BBS9: variants seen among roughly 807,000 people sequenced by gnomAD.
The protein encoded by BBS9 is protein PTHB1.
In BBS9, 89 loss-of-function variants were observed where a neutral mutation model predicts 117.7. The ratio of observed to expected loss-of-function variants is 0.76; its 90% CI spans 0.64 to 0.90. The LOEUF (loss-of-function observed/expected upper bound fraction) is 0.90, where lower values mean the gene tolerates loss of function less well. BBS9 is among the 40% of genes least tolerant of loss of function. BBS9 has a pLI of 0.00. For missense variants in BBS9, 982 were observed against 1,042.2 expected, an observed-to-expected ratio of 0.94 and a Z score of 0.80; for synonymous variants, 379 against 370.9, an observed-to-expected ratio of 1.02 and a Z score of -0.25.
chr7:33,538,008 T>C (rs1342955529), intron 21 of BBS9, among the ~76,000 whole-genome samples: 1 of 152,122 alleles, frequency 6.6e-6, no homozygotes, highest in African/African-American at 2.4e-5. Flanking sequence ...AGATAGAAGC[T>C]TGGAGAGCAA....
rs1049897887 is a variant in BBS9, at chr7:33,184,427, G to A, written c.442+6836G>A. On this transcript the variant is annotated intron_variant, in intron 5 of 22. Coordinates refer to ENST00000242067, the MANE Select transcript of BBS9 (RefSeq NM_198428.3). ...AAAATAGTGGTTAACATCCCATAAT[G>A]CCAAATTCATTTTTAACCAAGAGAT... 4.6e-5 allele frequency among the ~76,000 whole-genome samples: 5 copies of A among 109,466 alleles called. No individual in the cohort carries two copies. In the South Asian group the frequency reaches 1.9e-3, roughly 42 times the overall value. 71.8% of individuals were successfully genotyped at this position (109,466 alleles called of 152,430 possible).
chr7:33,620,292 A>T (rs1189836733), intron 21 of BBS9, among the ~76,000 whole-genome samples: 5 of 152,024 alleles, frequency 3.3e-5, no homozygotes, highest in African/African-American at 1.2e-4. Flanking sequence ...GAAATATAAA[A>T]TCTGAATAGA....
At chr7:33,531,720 A>G (rs1388635527) in intron 20 of BBS9, among the ~76,000 whole-genome samples, 1 of 152,204 alleles carries the variant, frequency 6.6e-6, no homozygotes, top group Non-Finnish European at 1.5e-5. Flanking sequence ...GGAGGGTAGA[A>G]GAAGGGCCAA....
At chr7:33,592,529 G>A (rs1033503096) in intron 21 of BBS9, among the ~76,000 whole-genome samples, 5 of 152,008 alleles carry the variant, frequency 3.3e-5, no homozygotes, top group Non-Finnish European at 7.4e-5. Context: ...CTAGATAGTA[G>A]AGTTGCCTGG....
intron 20 of BBS9, among the ~76,000 whole-genome samples, chr7:33,521,356 A>G (rs973018685): frequency 2.0e-5 from 3 of 152,174 alleles, no homozygotes; most frequent in African/African-American, 7.2e-5. Flanking sequence ...GAGGTTTTAG[A>G]TTTTCATCCA....
In BBS9 at chr7:33,242,039, A is replaced by G. The variant is rs553761678; in HGVS notation, c.443-15197A>G. On this transcript the variant is annotated intron_variant, in intron 5 of 22. Transcript: ENST00000242067. ...ATGGGAATGATTGGTGTCTTTCTTC[A>G]AAGATTTGAGTAATCTTTTGTCAGA... Among the ~76,000 whole-genome samples the G allele has an allele frequency of 3.3e-3, 504 of 152,196 alleles. 2 individuals are homozygous for G. The highest frequency in any genetic ancestry group is 0.012 in the African/African-American group (482 of 41,546).
At chr7:33,151,554 A>AT (rs35683893) in intron 2 of BBS9, among the ~76,000 whole-genome samples, 30,988 of 149,692 alleles carry the variant, frequency 0.21, 3,449 homozygotes, top group South Asian at 0.33. Flanking sequence ...TATTATGAGG[A>AT]TTTTTTTTTT....
intron 21 of BBS9, among the ~76,000 whole-genome samples, chr7:33,541,452 T>G (rs1852285579): frequency 6.6e-6 from 1 of 152,196 alleles, no homozygotes; most frequent in Admixed American, 6.5e-5. Flanking sequence ...TGACCTATCA[T>G]TCATCTCTGT....
intron 7 of BBS9, among the ~76,000 whole-genome samples, chr7:33,271,028 A>G (rs1047147750): frequency 1.3e-5 from 2 of 152,206 alleles, no homozygotes; most frequent in South Asian, 2.1e-4. Context: ...CAGAAACCCT[A>G]CAAGCCAGAA....
At chr7:33,622,585 A>G (rs576194588) in intron 21 of BBS9, among the ~76,000 whole-genome samples, 2 of 152,234 alleles carry the variant, frequency 1.3e-5, no homozygotes, top group Non-Finnish European at 1.5e-5. Flanking sequence ...TTTGTCATTT[A>G]TACTTTAATA....
At chr7:33,208,367 G>A (rs1787357821) in intron 5 of BBS9, among the ~76,000 whole-genome samples, 1 of 152,120 alleles carries the variant, frequency 6.6e-6, no homozygotes, top group Non-Finnish European at 1.5e-5. Context: ...ATTCCTCTAA[G>A]TATTCGTGTT....
intron 4 of BBS9, among the ~76,000 whole-genome samples, chr7:33,158,899 C>T (rs1013500493): frequency 8.5e-6 from 1 of 117,084 alleles, no homozygotes. Flanking sequence ...TGGTAAAAGA[C>T]GATTTATAGA....
intron 21 of BBS9, among the ~76,000 whole-genome samples, chr7:33,581,698 C>T (rs1203365503): frequency 3.3e-5 from 5 of 152,226 alleles, no homozygotes; most frequent in South Asian, 4.2e-4. Context: ...TGATGATAGC[C>T]ACTAACATTT....
At chr7:33,363,313 G>A (rs1422307542) in intron 16 of BBS9, among the ~76,000 whole-genome samples, 1 of 152,138 alleles carries the variant, frequency 6.6e-6, no homozygotes, top group Non-Finnish European at 1.5e-5. Flanking sequence ...ATATTGGTCA[G>A]GGTGGTCTCG....
At chr7:33,387,618 A>T (rs1424366834) in intron 18 of BBS9, among the ~76,000 whole-genome samples, 1 of 152,124 alleles carries the variant, frequency 6.6e-6, no homozygotes, top group Non-Finnish European at 1.5e-5. Flanking sequence ...AGATCATTTT[A>T]AAAATTCTGA....
At chr7:33,309,038 A>G (rs1425681462) in intron 9 of BBS9, among the ~76,000 whole-genome samples, 1 of 152,172 alleles carries the variant, frequency 6.6e-6, no homozygotes, top group Admixed American at 6.5e-5. Flanking sequence ...TTTTGAGCCA[A>G]TCTGTCACTT....
chr7:33,415,225 T>C (rs917796184), intron 19 of BBS9, among the ~76,000 whole-genome samples: 1 of 152,138 alleles, frequency 6.6e-6, no homozygotes, highest in Non-Finnish European at 1.5e-5. Flanking sequence ...GTGTGTCTTG[T>C]AAAATGTTCC....
chr7:33,613,128 C>T (rs1364484489), intron 21 of BBS9, among the ~76,000 whole-genome samples: 1 of 152,020 alleles, frequency 6.6e-6, no homozygotes, highest in East Asian at 1.9e-4. Flanking sequence ...AAAAACTCAA[C>T]TTTAGAAGAA....
chr7:33,405,547 T>G (rs140462019), intron 19 of BBS9, among the ~76,000 whole-genome samples: 1 of 152,196 alleles, frequency 6.6e-6, no homozygotes, highest in Non-Finnish European at 1.5e-5. Context: ...ATTCAGAGAT[T>G]CAACTTCTTC....
Sources: gnomAD v4.1 joint callset for allele counts (sites outside exome capture counted in the v4.1 genomes callset) on GRCh38, gnomAD v4.1.1 for gene constraint, MANE v1.5 for transcripts, NCBI Gene and HGNC (gene_info 2026-07-23, HGNC 2026-07-21) for gene names.